The following TNR variants were observed in gnomAD, a reference collection of about 807,000 sequenced individuals.
TNR encodes tenascin-R.
TNR carries 45 observed loss-of-function variants against 150.4 expected under a neutral mutation model. The observed-to-expected ratio is 0.30, with a 90% confidence interval of 0.24 to 0.38. TNR has a LOEUF of 0.38. Among genes scored for constraint, TNR ranks in the 10% least tolerant of loss-of-function variants. The probability of loss-of-function intolerance (pLI) is 1.00; values close to 1 mark genes in which losing one functional copy is unlikely to be tolerated. For synonymous variants in TNR, 687 were observed against 678.4 expected, an observed-to-expected ratio of 1.01 and a Z score of -0.20; for missense variants, 1,544 against 1,759.1, an observed-to-expected ratio of 0.88 and a Z score of 2.19.
At chr1:175,436,520 A>G (rs1229859558) in intron 2 of TNR, among the ~76,000 whole-genome samples, 1 of 152,190 alleles carries the variant, frequency 6.6e-6, no homozygotes, top group Non-Finnish European at 1.5e-5. Flanking sequence ...GATCAAATTC[A>G]CACATAACAA....
chr1:175,533,893 C>T (rs1660168926), intron 1 of TNR, among the ~76,000 whole-genome samples: 1 of 152,064 alleles, frequency 6.6e-6, no homozygotes, highest in Non-Finnish European at 1.5e-5. Flanking sequence ...TGCAGGGTCC[C>T]TCCAGAAAAG....
chr1:175,573,994 C>A (rs886843107), intron 1 of TNR, among the ~76,000 whole-genome samples: 1 of 152,208 alleles, frequency 6.6e-6, no homozygotes, highest in Non-Finnish European at 1.5e-5. Context: ...CAAGGGGGCC[C>A]TTCCTTGGAT....
intron 2 of TNR, among the ~76,000 whole-genome samples, chr1:175,415,076 C>T (rs1463429770): frequency 6.6e-6 from 1 of 151,720 alleles, no homozygotes; most frequent in East Asian, 1.9e-4. Flanking sequence ...TTTGTGGTCC[C>T]CACTCCGTCC....
intron 1 of TNR, among the ~76,000 whole-genome samples, chr1:175,617,930 T>C (rs1213525820): frequency 6.6e-6 from 1 of 152,240 alleles, no homozygotes; most frequent in Non-Finnish European, 1.5e-5. Flanking sequence ...TTGACCAAGA[T>C]CATGCGGCCA....
intron 1 of TNR, among the ~76,000 whole-genome samples, chr1:175,695,985 T>TGG (rs1553254673): frequency 1.3e-5 from 2 of 148,844 alleles, no homozygotes; most frequent in Admixed American, 6.7e-5. Context: ...CAGATGGATA[T>TGG]ATGGATGGAT....
At chr1:175,548,449 T>C (rs2102197059) in intron 1 of TNR, among the ~76,000 whole-genome samples, 1 of 152,258 alleles carries the variant, frequency 6.6e-6, no homozygotes, top group South Asian at 2.1e-4. Context: ...TGATGCCAAG[T>C]TGGCTATAAT....
intron 1 of TNR, among the ~76,000 whole-genome samples, chr1:175,740,942 C>T (rs961452969): frequency 5.9e-5 from 9 of 152,202 alleles, no homozygotes; most frequent in Non-Finnish European, 1.2e-4. Context: ...CAATCAGGTG[C>T]ACGACATCAG....
At chr1:175,384,046 T>C (rs771958496) in intron 8 of TNR, among the ~76,000 whole-genome samples, 1 of 152,246 alleles carries the variant, frequency 6.6e-6, no homozygotes, top group Non-Finnish European at 1.5e-5. Flanking sequence ...CACCAGCCAA[T>C]CCTGCTTCCA....
intron 2 of TNR, among the ~76,000 whole-genome samples, chr1:175,471,097 G>A (rs1657266766): frequency 6.6e-6 from 1 of 152,224 alleles, no homozygotes; most frequent in Non-Finnish European, 1.5e-5. Flanking sequence ...AGTCAGCGAA[G>A]AGAGAAGGGC....
chr1:175,653,026 C>A (rs1248378328), intron 1 of TNR, among the ~76,000 whole-genome samples: 2 of 152,170 alleles, frequency 1.3e-5, no homozygotes, highest in African/African-American at 4.8e-5. Flanking sequence ...ATCTTAAAGT[C>A]CGACACCATC....
chr1:175,438,438 A>C (rs943431361), intron 2 of TNR, among the ~76,000 whole-genome samples: 23 of 152,184 alleles, frequency 1.5e-4, no homozygotes, highest in Non-Finnish European at 2.4e-4. Context: ...AATGGACAAA[A>C]ACTGGGAGCA....
At chr1:175,363,586 G>T in intron 13 of TNR, 122 bp downstream of exon 13, 5 of 1,324,608 alleles carry the variant, frequency 3.8e-6, no homozygotes, top group Non-Finnish European at 5.2e-6. Context: ...TCATTCTGAT[G>T]CAGCATGCCA....
Position 175,707,252 on chromosome 1 carries a change from A to G in TNR, c.-165+35974T>C, listed in dbSNP as rs147959303. 9.3e-3 allele frequency among the ~76,000 whole-genome samples: 1,420 copies of G among 152,306 alleles called. 25 individuals carry two copies. The highest frequency in any genetic ancestry group is 0.03 in the African/African-American group (1,233 of 41,558). ...GCTCATTTTGCCATTTTTCTAGTCT[A>G]AAATACCTTAATAATCTTACATTTT... On this transcript the variant is annotated intron_variant, in intron 1 of 22. Coordinates refer to ENST00000367674, the MANE Select transcript of TNR (RefSeq NM_003285.3).
At chr1:175,453,158 A>G (rs1656401260) in intron 2 of TNR, among the ~76,000 whole-genome samples, 1 of 152,126 alleles carries the variant, frequency 6.6e-6, no homozygotes. Context: ...ACCAAAGACA[A>G]CCCTGCCTTC....
At chr1:175,706,627 G>C (rs968319366) in intron 1 of TNR, among the ~76,000 whole-genome samples, 3 of 152,042 alleles carry the variant, frequency 2.0e-5, no homozygotes, top group Non-Finnish European at 4.4e-5. Context: ...CATCTCCCGA[G>C]GGAACCACCT....
chr1:175,709,496 T>C (rs1297533881), intron 1 of TNR, among the ~76,000 whole-genome samples: 1 of 152,220 alleles, frequency 6.6e-6, no homozygotes, highest in African/African-American at 2.4e-5. Flanking sequence ...TTTGGTACAA[T>C]TGCTAAAGGC....
intron 7 of TNR, among the ~76,000 whole-genome samples, chr1:175,389,671 G>T (rs980687691): frequency 1.3e-5 from 2 of 152,188 alleles, no homozygotes; most frequent in Admixed American, 6.5e-5. Context: ...AAATAAATTT[G>T]TTACGCTTTC....
At chr1:175,341,727 A>T (rs1202531703) in intron 18 of TNR, among the ~76,000 whole-genome samples, 1 of 152,218 alleles carries the variant, frequency 6.6e-6, no homozygotes, top group Non-Finnish European at 1.5e-5. Flanking sequence ...CTGAAGCCAC[A>T]ATGTCAGCAT....
intron 1 of TNR, among the ~76,000 whole-genome samples, chr1:175,600,695 G>C (rs768981232): frequency 1.3e-5 from 2 of 152,242 alleles, no homozygotes; most frequent in African/African-American, 4.8e-5. Flanking sequence ...GCTCCCTGGC[G>C]TAGTGCTATG....
Sources: allele counts gnomAD v4.1 joint callset (sites outside exome capture counted in the v4.1 genomes callset), GRCh38; gene constraint gnomAD v4.1.1; transcripts MANE v1.5; gene names NCBI Gene and HGNC (gene_info 2026-07-23, HGNC 2026-07-21).